ZMYND8: variants seen among roughly 807,000 people sequenced by gnomAD.
ZMYND8 encodes the protein MYND-type zinc finger-containing chromatin reader ZMYND8.
A neutral mutation model predicts 140.8 loss-of-function variants in ZMYND8; 37 were observed. That is an observed-to-expected ratio of 0.26 (90% CI 0.20 to 0.35). The LOEUF (loss-of-function observed/expected upper bound fraction) is 0.35. ZMYND8 is among the 10% of genes least tolerant of loss of function. ZMYND8 has a pLI of 1.00. For missense variants in ZMYND8, 1,068 were observed against 1,570.0 expected (o/e 0.68, Z 5.40); for synonymous variants, 592 against 597.1 (o/e 0.99, Z 0.12).
At chr20:47,214,802 G>A (rs965812376) in intron 21 of ZMYND8, among the ~76,000 whole-genome samples, 6 of 152,016 alleles carry the variant, frequency 3.9e-5, no homozygotes, top group Admixed American at 6.6e-5. Context: ...ACCTAAATGC[G>A]GGGCTAAATC....
Position 47,249,411 on chromosome 20 carries a change from C to T in ZMYND8, c.1650G>A (p.Lys550=), listed in dbSNP as rs764738118. Residue 550 remains lysine (K), a synonymous_variant, in exon 13 of 23, where the codon AAG becomes AAA. Coordinates refer to ENST00000471951, the MANE Select transcript of ZMYND8 (RefSeq NM_001281775.3). ...GTTGCTGGACCGACTCGCTCAGCTC[C>T]TTCAAATCCATCTCAGCTTTGCTTC... ...LDRSKAEMDL[K]ELSESVQQQS... 19 of 1,614,200 alleles carry T rather than the reference C, an allele frequency of 1.2e-5. No homozygotes were observed. In the South Asian group the frequency reaches 1.9e-4, roughly 16 times the overall value.
intron 16 of ZMYND8, among the ~76,000 whole-genome samples, chr20:47,231,332 A>C (rs2038452634): frequency 6.6e-6 from 1 of 152,136 alleles, no homozygotes; most frequent in Admixed American, 6.6e-5. Flanking sequence ...CAATTCAGGG[A>C]GAAGGCGGGA....
intron 14 of ZMYND8, among the ~76,000 whole-genome samples, chr20:47,240,500 T>C (rs1366655648): frequency 2.0e-5 from 3 of 151,754 alleles, no homozygotes; most frequent in Non-Finnish European, 4.4e-5. Context: ...GGTGACAGGG[T>C]GAGACTCCGT....
rs547019021 is a variant in ZMYND8, at chr20:47,248,707, G to A, written c.1774+580C>T. Among the ~76,000 whole-genome samples, 7 of 152,306 alleles carry A rather than the reference G, an allele frequency of 4.6e-5. No individual in the cohort carries two copies. In the East Asian group the frequency reaches 5.8e-4, roughly 13 times the overall value. On this transcript the variant is annotated intron_variant, in intron 13 of 22. Transcript: ENST00000471951. ...ACACAAAGGGACCATTGCTACTTCC[G>A]AGCAATGAAGTACCAAAGGAGGAGG...
At chr20:47,314,027 A>G (rs894989955) in intron 2 of ZMYND8, among the ~76,000 whole-genome samples, 3 of 152,232 alleles carry the variant, frequency 2.0e-5, no homozygotes, top group African/African-American at 4.8e-5. Flanking sequence ...ATGTTTGCAT[A>G]AACCTAGAAT....
At chr20:47,217,783 T>C (rs929997659) in intron 21 of ZMYND8, among the ~76,000 whole-genome samples, 7 of 152,182 alleles carry the variant, frequency 4.6e-5, no homozygotes, top group East Asian at 1.9e-4. Flanking sequence ...GTATCACCAA[T>C]AGCTGCTCTT....
chr20:47,232,887 GT>G (rs1391340787), intron 16 of ZMYND8, among the ~76,000 whole-genome samples: 2 of 103,656 alleles, frequency 1.9e-5, no homozygotes, highest in East Asian at 2.7e-4. Flanking sequence ...CCTCCCCCAT[GT>G]TTTTTTTTGT....
chr20:47,239,367 G>A (rs941908313), intron 14 of ZMYND8, among the ~76,000 whole-genome samples: 6 of 152,190 alleles, frequency 3.9e-5, no homozygotes, highest in African/African-American at 1.4e-4. Context: ...ACTGAGCGCC[G>A]GCCCACATCT....
Position 47,239,011 on chromosome 20 carries a change from C to A in ZMYND8, c.2412G>T (p.Thr804=). The A allele has an allele frequency of 6.2e-7, 1 of 1,602,228 alleles. No individual in the cohort carries two copies. The highest frequency in any genetic ancestry group is 8.5e-7 in the Non-Finnish European group (1 of 1,171,498). ...GATATTSTSS[T]VTVTAPAPAA... is the part of the protein sequence containing the mutation. Reference sequence around the variant, plus strand: ...CGGGGGCCGGGGCCGTGACGGTGACCGTGGAGGACGTGCTGGTGGTGGCTG... The same window carrying A: ...CGGGGGCCGGGGCCGTGACGGTGACAGTGGAGGACGTGCTGGTGGTGGCTG... Residue 804 remains threonine (T), a synonymous_variant, in exon 15 of 23, where the codon ACG becomes ACT. Transcript: ENST00000471951.
rs1248058996 is a variant in ZMYND8, at chr20:47,298,852, G to A, written c.330C>T (p.Tyr110=). 1 of 1,614,178 alleles carries A rather than the reference G, an allele frequency of 6.2e-7. No individual in the cohort carries two copies. The highest frequency in any genetic ancestry group is 8.5e-7 in the Non-Finnish European group (1 of 1,180,034). Residue 110 remains tyrosine (Y), a synonymous_variant, in exon 4 of 23, where the codon TAC becomes TAT. Coordinates refer to ENST00000471951, the MANE Select transcript of ZMYND8 (RefSeq NM_001281775.3). The surrounding 1 kb of genome is among the most constrained non-coding windows in gnomAD (Gnocchi z 5.0). ...VVPQDGRNDF[Y]CWVCHREGQV... is the part of the protein sequence containing the mutation. ...GGCCTTCCCGGTGACAAACCCAGCAGTAGAAATCATTCCGTCCATCCTGCG... is the reference window on the plus strand; with the variant it reads ...GGCCTTCCCGGTGACAAACCCAGCAATAGAAATCATTCCGTCCATCCTGCG...
intron 11 of ZMYND8, among the ~76,000 whole-genome samples, chr20:47,275,873 T>C (rs2076225858): frequency 6.6e-6 from 1 of 152,190 alleles, no homozygotes; most frequent in Non-Finnish European, 1.5e-5. Context: ...CCTCCCAAAG[T>C]GCTGGGACTA....
intron 2 of ZMYND8, among the ~76,000 whole-genome samples, chr20:47,333,729 A>AAAAAAAAAAC (rs2081153103): frequency 4.0e-5 from 4 of 99,422 alleles, no homozygotes; most frequent in African/African-American, 2.3e-4. Flanking sequence ...CGTCTCAAAA[A>AAAAAAAAAAC]AAAAAAAAAA....
chr20:47,347,020 C>A (rs1437970602), intron 2 of ZMYND8, among the ~76,000 whole-genome samples: 1 of 152,212 alleles, frequency 6.6e-6, no homozygotes, highest in Non-Finnish European at 1.5e-5. Context: ...TATGCAGTAA[C>A]CCTGTCCAGC....
chr20:47,323,721 C>A (rs1049797903), intron 2 of ZMYND8, among the ~76,000 whole-genome samples: 1 of 152,108 alleles, frequency 6.6e-6, no homozygotes, highest in Non-Finnish European at 1.5e-5. Flanking sequence ...GGCCCACAAT[C>A]CCAGCCCCAC....
intron 1 of ZMYND8, chr20:47,356,345 A>T: frequency 6.8e-7 from 1 of 1,461,478 alleles, no homozygotes. Context: ...AAAAAAAAAA[A>T]AGAAGGAAAA....
intron 1 of ZMYND8, chr20:47,356,331 A>C (rs1403978419): frequency 2.1e-6 from 3 of 1,401,920 alleles, no homozygotes; most frequent in Non-Finnish European, 1.9e-6. Flanking sequence ...GGAAGAGGGA[A>C]AGAAAAAAAA....
At chr20:47,325,407 G>A (rs1601943068) in intron 2 of ZMYND8, among the ~76,000 whole-genome samples, 1 of 152,086 alleles carries the variant, frequency 6.6e-6, no homozygotes, top group African/African-American at 2.4e-5. Flanking sequence ...GGTTAACAAA[G>A]CCCTGTACAG....
intron 10 of ZMYND8, among the ~76,000 whole-genome samples, chr20:47,279,476 C>T (rs1021986942): frequency 3.3e-5 from 5 of 150,492 alleles, no homozygotes; most frequent in African/African-American, 1.2e-4. Flanking sequence ...GGTGACAGAG[C>T]AAGACCCCCC....
At chr20:47,312,232 G>A (rs956221936) in intron 2 of ZMYND8, among the ~76,000 whole-genome samples, 3 of 152,176 alleles carry the variant, frequency 2.0e-5, no homozygotes, top group Non-Finnish European at 4.4e-5. Flanking sequence ...AGCATCCAAC[G>A]TGGTCCACGC....
Sources: allele counts gnomAD v4.1 joint callset (sites outside exome capture counted in the v4.1 genomes callset), GRCh38; gene constraint gnomAD v4.1.1; non-coding constraint Gnocchi (gnomAD v3.1); transcripts MANE v1.5; gene names NCBI Gene and HGNC (gene_info 2026-07-23, HGNC 2026-07-21).